TOMM40: variants seen among roughly 807,000 people sequenced by gnomAD.
TOMM40 encodes the protein mitochondrial import receptor subunit TOM40 homolog.
TOMM40 carries 9 observed loss-of-function variants against 38.4 expected under a neutral mutation model. The observed-to-expected ratio is 0.23, with a 90% CI of 0.14 to 0.41. The LOEUF is 0.41. Among genes scored for constraint, TOMM40 ranks in the 10% least tolerant of loss-of-function variants. The pLI is 1.00. For synonymous variants in TOMM40, 184 were observed against 210.0 expected, an observed-to-expected ratio of 0.88 and a Z score of 1.07; for missense variants, 299 against 486.5, an observed-to-expected ratio of 0.61 and a Z score of 3.63.
intron 5 of TOMM40, among the ~76,000 whole-genome samples, chr19:44,899,126 C>A (rs1278805966): frequency 7.0e-6 from 1 of 142,314 alleles, no homozygotes; most frequent in Non-Finnish European, 1.5e-5. Context: ...GAGCGAGACT[C>A]CATCTCAAAA....
At chr19:44,893,739 G>C (rs1411924143) in intron 3 of TOMM40, 41 bp from the exon 4 acceptor site, 1 of 1,572,240 alleles carries the variant, frequency 6.4e-7, no homozygotes, top group South Asian at 1.1e-5. Flanking sequence ...TACTTGCACA[G>C]TGCACCACCT....
chr19:44,899,132 CA>C (rs531167978), intron 5 of TOMM40, among the ~76,000 whole-genome samples: 9,674 of 82,582 alleles, frequency 0.12, 731 homozygotes, highest in African/African-American at 0.28. Context: ...GACTCCATCT[CA>C]AAAAAAAAAA....
chr19:44,901,629 A>G (rs1437213742), intron 8 of TOMM40: 1 of 501,348 alleles, frequency 2.0e-6, no homozygotes, highest in African/African-American at 1.9e-5. Context: ...AGTCCCAACT[A>G]CTGAGGCTGA....
chr19:44,899,205 G>GTA (rs1258846102), intron 5 of TOMM40, among the ~76,000 whole-genome samples: 1 of 151,766 alleles, frequency 6.6e-6, no homozygotes, highest in Non-Finnish European at 1.5e-5. Context: ...GGAGTGCAGT[G>GTA]GCGTGATCAT....
rs11556505 is a variant in TOMM40, at chr19:44,892,887, C to T, written c.393C>T (p.Phe131=). Reference sequence around the variant, plus strand: ...CAATCGGGGAGTCCAACTACCACTTCGGGGTCACATATGTGGGGACAAAGC... The same window carrying T: ...CAATCGGGGAGTCCAACTACCACTTTGGGGTCACATATGTGGGGACAAAGC... ...LSTIGESNYH[F]GVTYVGTKQL... The change falls in exon 3 of 9, where the codon TTC becomes TTT. Residue 131 remains phenylalanine (F), a synonymous_variant. Transcript: ENST00000426677. The T allele has an allele frequency of 0.14, 224,449 of 1,613,380 alleles. 15,939 individuals are homozygous for T. The highest frequency in any genetic ancestry group is 0.15 in the Non-Finnish European group (171,175 of 1,179,434).
intron 5 of TOMM40, among the ~76,000 whole-genome samples, chr19:44,895,537 T>C (rs1969548953): frequency 6.6e-6 from 1 of 151,996 alleles, no homozygotes; most frequent in South Asian, 2.1e-4. Context: ...GCCTTTTTTG[T>C]TGGTTTGTTT....
chr19:44,902,231 C>A, intron 8 of TOMM40: 1 of 152,350 alleles, frequency 6.6e-6, no homozygotes, highest in South Asian at 2.1e-4. Context: ...TGAGACTGGT[C>A]TCCCTCTGTC....
rs779490769 is a variant in TOMM40 at position 44,903,009 on chromosome 19, C to T, written c.947-21C>T. ...TATGGTGGGAAGCTGGCACGCCTCT[C>T]ACCTCAGCTCTTCCCTGCAGGCTCT... On this transcript the variant is annotated intron_variant, in intron 8 of 8. Transcript: ENST00000426677. The T allele has an allele frequency of 1.5e-5, 24 of 1,608,288 alleles. No homozygotes were observed. In the African/African-American group the frequency reaches 2.7e-4, roughly 18 times the overall value.
intron 6 of TOMM40, 51 bp from the exon 7 acceptor site, chr19:44,900,977 G>C (rs755335991): frequency 1.2e-6 from 2 of 1,612,142 alleles, no homozygotes; most frequent in East Asian, 4.5e-5. Flanking sequence ...GTTCCCAGAT[G>C]CCCAAATCCC....
At chr19:44,893,576 G>C (rs1215061425) in intron 3 of TOMM40, among the ~76,000 whole-genome samples, 1 of 152,228 alleles carries the variant, frequency 6.6e-6, no homozygotes, top group African/African-American at 2.4e-5. Flanking sequence ...TGTTCCCAGA[G>C]AGTAACAAGC....
intron 3 of TOMM40, among the ~76,000 whole-genome samples, chr19:44,893,148 C>T (rs1356819265): frequency 1.3e-5 from 2 of 152,166 alleles, no homozygotes; most frequent in Non-Finnish European, 2.9e-5. Flanking sequence ...CTGAGCAGTG[C>T]TGGGGATGTG....
At chr19:44,899,971 A>G (rs542304090) in intron 5 of TOMM40, among the ~76,000 whole-genome samples, 5 of 150,740 alleles carry the variant, frequency 3.3e-5, no homozygotes, top group East Asian at 3.9e-4. Flanking sequence ...CTCCCTCTCT[A>G]TTTCCCACTC....
chr19:44,891,988 CGGTGTCAGCAA>C (rs1004104715), intron 1 of TOMM40, among the ~76,000 whole-genome samples: 1 of 152,176 alleles, frequency 6.6e-6, no homozygotes, highest in Non-Finnish European at 1.5e-5. Flanking sequence ...CCCAAGGTCA[CGGTGTCAGCAA>C]GGTGTCAGCG....
chr19:44,899,000 C>T (rs567417383), intron 5 of TOMM40, among the ~76,000 whole-genome samples: 2 of 151,420 alleles, frequency 1.3e-5, no homozygotes, highest in South Asian at 2.1e-4. Flanking sequence ...GGCATGGTGG[C>T]GGGCTCCTGT....
At chr19:44,902,555 CTG>C (rs1303235219) in intron 8 of TOMM40, 3 of 152,794 alleles carry the variant, frequency 2.0e-5, no homozygotes, top group South Asian at 2.0e-4. Flanking sequence ...TTAGTGGAAA[CTG>C]AGGCTTCCAG....
chr19:44,896,247 G>A (rs1198908631), intron 5 of TOMM40, among the ~76,000 whole-genome samples: 2 of 152,306 alleles, frequency 1.3e-5, no homozygotes, highest in East Asian at 3.9e-4. Flanking sequence ...GGCCTGCCGT[G>A]TGCCGGTCAG....
chr19:44,900,784 G>A lies in TOMM40; in HGVS notation c.698G>A (p.Gly233Glu), dbSNP rs1568610570. 1 of 1,613,546 alleles carries A rather than the reference G, an allele frequency of 6.2e-7. No individual in the cohort carries two copies. The highest frequency in any genetic ancestry group is 1.3e-5 in the African/African-American group (1 of 74,914). Residue 233 changes from glycine to glutamate, a missense_variant, in exon 6 of 9, where the codon GGA (glycine) becomes GAA (glutamate). Transcript: ENST00000426677. Reference protein sequence around the residue: ...QSITPCLALGGELVYHRRPGE... With the variant: ...QSITPCLALGEELVYHRRPGE... ...ATCACGCCTTGCCTGGCCCTGGGTG[G>A]AGAGCTGGTCTACCACCGGCGGCCT...
In TOMM40 at chr19:44,892,922, C is replaced by T; in HGVS notation, c.428C>T (p.Pro143Leu). The change falls in exon 3 of 9, where the codon CCC (proline) becomes CTC (leucine). Residue 143 changes from proline (P) to leucine (L), a missense_variant. Pro to Leu is a moderately conservative substitution (Grantham distance 98). Transcript: ENST00000426677. ...VTYVGTKQLS[P>L]TEAFPVLVGD... The stretch of plus-strand genomic sequence containing the variant: ...TATGTGGGGACAAAGCAGCTGAGTC[C>T]CACAGAGGTGAGCTTCCTTTTTCAT... The T allele has an allele frequency of 6.2e-7, 1 of 1,612,654 alleles. No individual in the cohort carries two copies. Among genetic ancestry groups the T allele is most frequent in the Non-Finnish European group, 8.5e-7 (1 of 1,179,108 alleles).
chr19:44,899,374 C>G (rs1969634076), intron 5 of TOMM40, among the ~76,000 whole-genome samples: 1 of 151,878 alleles, frequency 6.6e-6, no homozygotes. Context: ...CACTCTGTCA[C>G]TCAGGCTGGA....
Sources: gnomAD v4.1 joint callset for allele counts (sites outside exome capture counted in the v4.1 genomes callset) on GRCh38, gnomAD v4.1.1 for gene constraint, MANE v1.5 for transcripts, NCBI Gene and HGNC (gene_info 2026-07-23, HGNC 2026-07-21) for gene names.